The following CATSPER1 variants were observed in gnomAD, a reference collection of about 807,000 sequenced individuals.
CATSPER1 encodes the protein cation channel sperm associated 1.
Under a neutral mutation model 72.7 loss-of-function variants are expected in CATSPER1, and 57 were observed. That is an observed-to-expected ratio of 0.78 (90% CI 0.63 to 0.98). The LOEUF (loss-of-function observed/expected upper bound fraction) is 0.98. CATSPER1 is among the 50% of genes least tolerant of loss of function. The pLI, the probability that CATSPER1 is intolerant of heterozygous loss-of-function variation, is 0.00. For missense variants in CATSPER1, 910 were observed against 1,033.9 expected (o/e 0.88, Z 1.64); for synonymous variants, 363 against 403.0 (o/e 0.90, Z 1.19).
Position 66,022,894 on chromosome 11 carries a change from C to G in CATSPER1, c.1384G>C (p.Val462Leu), listed in dbSNP as rs768194764. 1.9e-6 allele frequency: 3 copies of G among 1,614,228 alleles called. No individual in the cohort carries two copies. The highest frequency in any genetic ancestry group is 1.6e-4 in the Middle Eastern group (1 of 6,062). The part of the protein sequence containing the change: ...FIFFVVCLNT[V>L]MLVAQTFAEV... ...GCGAAGGTCTGGGCCACCAGCATGA[C>G]GGTGTTGAGGCAGACAACGAAGAAG... Residue 462 changes from valine to leucine, a missense_variant, in exon 2 of 12, where the codon GTC becomes CTC. Transcript: ENST00000312106.
In CATSPER1 at chr11:66,021,750, C is replaced by T; in HGVS notation, c.1543+16G>A. On this transcript the variant is annotated intron_variant, in intron 3 of 11. Coordinates refer to ENST00000312106, the MANE Select transcript of CATSPER1 (RefSeq NM_053054.4). ...CCCAGACTAAACACACGCAGCCTGG[C>T]CCCGGCCGCACCCACCCAAATTGTT... is the stretch of plus-strand genomic sequence containing the variant. 1 of 1,612,624 alleles carries T rather than the reference C, an allele frequency of 6.2e-7. No homozygotes were observed. Among genetic ancestry groups the T allele is most frequent in the Non-Finnish European group, 8.5e-7 (1 of 1,178,580 alleles).
In CATSPER1 at chr11:66,023,170, C is replaced by T. The variant is rs568705902; in HGVS notation, c.1217-109G>A. The T allele has an allele frequency of 3.8e-6, 4 of 1,056,152 alleles. No individual in the cohort carries two copies. The South Asian group carries it at 5.2e-5, about 14-fold the overall frequency. The allele number at this position is 1,056,152 out of a possible 1,614,324, so 65.4% of individuals were successfully genotyped here. On this transcript the variant is annotated intron_variant, in intron 1 of 11. Transcript: ENST00000312106. ...ATGGTCACTCCTGCCTGCTTGCTGG[C>T]CCTCTGCCTCCCGGGTTCAAGCAAC...
At chr11:66,024,948 G>C (rs1310728230) in intron 1 of CATSPER1, among the ~76,000 whole-genome samples, 1 of 152,208 alleles carries the variant, frequency 6.6e-6, no homozygotes, top group African/African-American at 2.4e-5. Flanking sequence ...ATAAGGCAGT[G>C]ACTGAATGAA....
In CATSPER1 at chr11:66,022,905, C is replaced by T. The variant is rs766343313; in HGVS notation, c.1373G>A (p.Cys458Tyr). 44 of 1,614,108 alleles carry T rather than the reference C, an allele frequency of 2.7e-5. No homozygotes were observed. Among genetic ancestry groups the T allele is most frequent in the Non-Finnish European group, 3.7e-5 (44 of 1,180,054 alleles). ...AFETFIFFVV[C>Y]LNTVMLVAQT... ...GGCCACCAGCATGACGGTGTTGAGG[C>T]AGACAACGAAGAAGATGAAAGTTTC... is the stretch of plus-strand genomic sequence containing the variant. Residue 458 changes from cysteine to tyrosine, a missense_variant, in exon 2 of 12, where the codon TGC becomes TAC. Coordinates refer to ENST00000312106, the MANE Select transcript of CATSPER1 (RefSeq NM_053054.4).
At chr11:66,024,321 C>G (rs1225254629) in intron 1 of CATSPER1, among the ~76,000 whole-genome samples, 1 of 147,174 alleles carries the variant, frequency 6.8e-6, no homozygotes, top group Non-Finnish European at 1.5e-5. Context: ...ACTGTCACCC[C>G]GGCCGGAGTG....
intron 1 of CATSPER1, among the ~76,000 whole-genome samples, chr11:66,024,435 G>A (rs975426125): frequency 1.8e-4 from 27 of 150,872 alleles, no homozygotes; most frequent in South Asian, 6.3e-4. Context: ...GCACCACCAC[G>A]CCCAGCTAAT....
chr11:66,018,228 AAAG>A (rs1236337540), intron 10 of CATSPER1, among the ~76,000 whole-genome samples: 11 of 151,770 alleles, frequency 7.2e-5, no homozygotes, highest in South Asian at 2.1e-4. Flanking sequence ...AAAAAAGAAA[AAAG>A]AAAAAAAGAG....
chr11:66,020,404 A>G lies in CATSPER1; in HGVS notation c.1992-15T>C. ...TAATCACCAGGCTGGGGAGAGGGAC[A>G]GGGGTGTGCCCTCAGCGAGGAGGCC... On this transcript the variant is annotated splice_polypyrimidine_tract_variant and intron_variant, in intron 7 of 11. Coordinates refer to ENST00000312106, the MANE Select transcript of CATSPER1 (RefSeq NM_053054.4). This position sits in a 1 kb window ranked among gnomAD's most constrained non-coding sequence, Gnocchi z 4.5. 1 of 1,613,982 alleles carries G rather than the reference A, an allele frequency of 6.2e-7. No individual in the cohort carries two copies. The highest frequency in any genetic ancestry group is 1.3e-5 in the African/African-American group (1 of 75,052).
intron 2 of CATSPER1, among the ~76,000 whole-genome samples, chr11:66,022,167 C>T (rs1856388646): frequency 6.6e-6 from 1 of 152,242 alleles, no homozygotes; most frequent in African/African-American, 2.4e-5. Flanking sequence ...TGGTGAAACC[C>T]TGTTTCTACC....
Position 66,020,043 on chromosome 11 carries a change from T to C in CATSPER1, c.2125+97A>G, listed in dbSNP as rs1856320463. 7.6e-7 allele frequency: 1 copy of C among 1,316,824 alleles called. No homozygotes were observed. The highest frequency in any genetic ancestry group is 1.5e-5 in the African/African-American group (1 of 68,102). 81.6% of individuals were successfully genotyped at this position (1,316,824 alleles called of 1,614,324 possible). On this transcript the variant is annotated intron_variant, in intron 9 of 11. Transcript: ENST00000312106. The surrounding 1 kb of genome is among the most constrained non-coding windows in gnomAD (Gnocchi z 4.5). ...CAAATTCTAAAACTCTAAAACTGAGTCTGGAATTCTGTGACTGTGGAAGGA... is the reference window on the plus strand; with the variant it reads ...CAAATTCTAAAACTCTAAAACTGAGCCTGGAATTCTGTGACTGTGGAAGGA...
Position 66,020,554 on chromosome 11 carries a change from G to A in CATSPER1, c.1991+10C>T. The A allele has an allele frequency of 6.2e-7, 1 of 1,609,254 alleles. No individual in the cohort carries two copies. Among genetic ancestry groups the A allele is most frequent in the Non-Finnish European group, 8.5e-7 (1 of 1,176,736 alleles). The stretch of plus-strand genomic sequence containing the variant: ...TGGTGCTGGGCAGCAGAGCAGGGGT[G>A]AGTCCTCACTTGAGGAAGATGAAGT... On this transcript the variant is annotated intron_variant, in intron 7 of 11. Coordinates refer to ENST00000312106, the MANE Select transcript of CATSPER1 (RefSeq NM_053054.4). This position sits in a 1 kb window ranked among gnomAD's most constrained non-coding sequence, Gnocchi z 4.5.
At chr11:66,024,993 A>C (rs1381190445) in intron 1 of CATSPER1, among the ~76,000 whole-genome samples, 171 bp downstream of exon 1, 1 of 152,228 alleles carries the variant, frequency 6.6e-6, no homozygotes, top group Non-Finnish European at 1.5e-5. Context: ...TACATAATTC[A>C]AGGAATAAAA....
rs780839815 is a variant in CATSPER1, at chr11:66,025,903, T to C, written c.477A>G (p.Leu159=). The C allele has an allele frequency of 1.9e-6, 3 of 1,612,208 alleles. No individual in the cohort carries two copies. The highest frequency in any genetic ancestry group is 2.2e-5 in the South Asian group (2 of 90,968). ...HGRPQYLGEN[L]SHYSSGVPHH... ...GGGGCACGCCAGAGGAATAGTGGGA[T>C]AAATTCTCACCGAGATATTGGGGTC... The change falls in exon 1 of 12, where the codon TTA becomes TTG. Residue 159 remains leucine, a synonymous_variant. Transcript: ENST00000312106.
chr11:66,024,660 A>G (rs545533805), intron 1 of CATSPER1, among the ~76,000 whole-genome samples: 1 of 152,266 alleles, frequency 6.6e-6, no homozygotes, highest in African/African-American at 2.4e-5. Flanking sequence ...TTGCCCTCCA[A>G]TAAGGCCCTC....
chr11:66,023,104 G>A (rs1590685154), intron 1 of CATSPER1, 43 bp from the exon 2 acceptor site: 2 of 1,567,538 alleles, frequency 1.3e-6, no homozygotes, highest in Non-Finnish European at 1.8e-6. Flanking sequence ...TGCAAGAGGG[G>A]ACACGAGGTC....
Position 66,025,998 on chromosome 11 carries a change from C to A in CATSPER1, c.382G>T (p.Asp128Tyr), listed in dbSNP as rs367568797. 1 of 1,613,972 alleles carries A rather than the reference C, an allele frequency of 6.2e-7. No individual in the cohort carries two copies. The highest frequency in any genetic ancestry group is 8.5e-7 in the Non-Finnish European group (1 of 1,179,966). ...ELQRDGRRHHDGSQYGGFHQQ... is the reference protein window; with the variant it reads ...ELQRDGRRHHYGSQYGGFHQQ... ...TGGAACCCACCGTATTGGGACCCAT[C>A]ATGATGCCTCCTGCCATCACGTTGG... is the stretch of plus-strand genomic sequence containing the variant. The change falls in exon 1 of 12, where the codon GAT (aspartate) becomes TAT (tyrosine). Residue 128 changes from aspartate to tyrosine, a missense_variant. By Grantham distance (160) the Asp-to-Tyr change is radical. Coordinates refer to ENST00000312106, the MANE Select transcript of CATSPER1 (RefSeq NM_053054.4).
In CATSPER1 at chr11:66,025,275, T is replaced by C. The variant is rs1856472227; in HGVS notation, c.1105A>G (p.Thr369Ala). The C allele has an allele frequency of 6.2e-7, 1 of 1,614,152 alleles. No individual in the cohort carries two copies. Among genetic ancestry groups the C allele is most frequent in the Non-Finnish European group, 8.5e-7 (1 of 1,180,022 alleles). The change falls in exon 1 of 12, where the codon ACA (threonine) becomes GCA (alanine). Residue 369 changes from threonine (T) to alanine (A), a missense_variant. By Grantham distance (58) the Thr-to-Ala change is moderately conservative. Coordinates refer to ENST00000312106, the MANE Select transcript of CATSPER1 (RefSeq NM_053054.4). ...ATCTGGGTGACACGTGAGCGGATTG[T>C]GCTGGAGGACCGAGTCATGCTGTGA... ...SAHSMTRSSS[T>A]IRSRVTQMSK... is the part of the protein sequence containing the mutation.
At chr11:66,019,918 C>CAAAAAAAA (rs60681273) in intron 9 of CATSPER1, among the ~76,000 whole-genome samples, 1 of 62,692 alleles carries the variant, frequency 1.6e-5, no homozygotes, top group African/African-American at 6.3e-5. Context: ...GACTCCATCT[C>CAAAAAAAA]AAAAAAAAAA....
Position 66,025,997 on chromosome 11 carries a change from T to C in CATSPER1, c.383A>G (p.Asp128Gly). The stretch of plus-strand genomic sequence containing the variant: ...ATGGAACCCACCGTATTGGGACCCA[T>C]CATGATGCCTCCTGCCATCACGTTG... ...ELQRDGRRHH[D>G]GSQYGGFHQQ... is the part of the protein sequence containing the mutation. The change falls in exon 1 of 12, where the codon GAT becomes GGT. Residue 128 changes from aspartate (D) to glycine (G), a missense_variant. Coordinates refer to ENST00000312106, the MANE Select transcript of CATSPER1 (RefSeq NM_053054.4). 1 of 1,613,904 alleles carries C rather than the reference T, an allele frequency of 6.2e-7. No homozygotes were observed. Among genetic ancestry groups the C allele is most frequent in the Non-Finnish European group, 8.5e-7 (1 of 1,179,956 alleles).
Sources: gnomAD v4.1 joint callset for allele counts (sites outside exome capture counted in the v4.1 genomes callset) on GRCh38, gnomAD v4.1.1 for gene constraint, Gnocchi (gnomAD v3.1) non-coding constraint, MANE v1.5 for transcripts, NCBI Gene and HGNC (gene_info 2026-07-23, HGNC 2026-07-21) for gene names.